Variants in ITPK1 observed in about 807,000 individuals in gnomAD.
ITPK1 encodes inositol 1,3,4-trisphosphate 5/6-kinase.
Under a neutral mutation model 45.3 loss-of-function variants are expected in ITPK1, and 21 were observed. The observed-to-expected ratio is 0.46, with a 90% CI of 0.33 to 0.67. The LOEUF is 0.67. ITPK1 is among the 30% of genes least tolerant of loss of function. The probability of loss-of-function intolerance (pLI) is 0.02; values close to 1 mark genes in which losing one functional copy is unlikely to be tolerated. For missense variants in ITPK1, 474 were observed against 573.5 expected, an observed-to-expected ratio of 0.83 and a Z score of 1.77; for synonymous variants, 258 against 253.6, an observed-to-expected ratio of 1.02 and a Z score of -0.16.
intron 5 of ITPK1, among the ~76,000 whole-genome samples, chr14:92,982,814 C>T (rs570614322): frequency 7.9e-5 from 12 of 152,346 alleles, no homozygotes; most frequent in South Asian, 6.2e-4. Flanking sequence ...GGGGGCATTT[C>T]GCCAGTGGCC....
intron 3 of ITPK1, among the ~76,000 whole-genome samples, chr14:93,066,641 T>C (rs1243746104): frequency 2.6e-5 from 4 of 152,096 alleles, no homozygotes; most frequent in Non-Finnish European, 5.9e-5. Context: ...CCTGACCTCA[T>C]GATCCACCCG....
At chr14:93,006,188 C>T (rs1030502700) in intron 4 of ITPK1, among the ~76,000 whole-genome samples, 4 of 152,228 alleles carry the variant, frequency 2.6e-5, no homozygotes, top group African/African-American at 9.6e-5. Flanking sequence ...ATCAGACTCA[C>T]AGTCCATGTG....
chr14:93,004,165 C>T (rs866226049), intron 4 of ITPK1, among the ~76,000 whole-genome samples: 10 of 152,322 alleles, frequency 6.6e-5, no homozygotes, highest in Middle Eastern at 3.4e-3. Context: ...GAGATCCATG[C>T]CCACCACAGG....
intron 3 of ITPK1, among the ~76,000 whole-genome samples, chr14:93,043,761 G>A (rs769644273): frequency 4.6e-5 from 7 of 152,178 alleles, no homozygotes; most frequent in Non-Finnish European, 8.8e-5. Context: ...CCAGGCCACC[G>A]TTCTCCTTCC....
chr14:93,100,537 G>GGAGAGA (rs369481573), intron 2 of ITPK1, among the ~76,000 whole-genome samples: 2 of 148,048 alleles, frequency 1.4e-5, no homozygotes, highest in African/African-American at 2.5e-5. Flanking sequence ...GAGAGAGGAG[G>GGAGAGA]GAGAGAGAGA....
chr14:93,093,960 C>T (rs555727990), intron 2 of ITPK1, among the ~76,000 whole-genome samples: 6 of 152,374 alleles, frequency 3.9e-5, no homozygotes, highest in African/African-American at 1.4e-4. Flanking sequence ...CAAAGGGATC[C>T]TCACCCCGAT....
At chr14:92,995,134 C>T (rs374588307) in intron 4 of ITPK1, among the ~76,000 whole-genome samples, 19 of 152,354 alleles carry the variant, frequency 1.2e-4, no homozygotes, top group Admixed American at 5.9e-4. Context: ...CCACTGCTGA[C>T]GCCCTGACTG....
rs2139689665 is a variant in ITPK1, at chr14:92,941,456, A to G, written c.*105T>C. ...AGGTTAAAAATTAAAAAACAGAAGAATCAGATCACTGGGGATTCTTAGTAG... is the reference window on the plus strand; with the variant it reads ...AGGTTAAAAATTAAAAAACAGAAGAGTCAGATCACTGGGGATTCTTAGTAG... On this transcript the variant is annotated 3_prime_UTR_variant, in exon 11 of 11. Coordinates refer to ENST00000267615, the MANE Select transcript of ITPK1 (RefSeq NM_014216.6). 3 of 1,428,482 alleles carry G rather than the reference A, an allele frequency of 2.1e-6. No individual in the cohort carries two copies. The highest frequency in any genetic ancestry group is 2.6e-5 in the East Asian group (1 of 37,784). The allele number at this position is 1,428,482 out of a possible 1,614,324, so 88.5% of individuals were successfully genotyped here.
intron 3 of ITPK1, among the ~76,000 whole-genome samples, chr14:93,052,474 C>T (rs1357739710): frequency 6.6e-6 from 1 of 152,158 alleles, no homozygotes; most frequent in Non-Finnish European, 1.5e-5. Context: ...GATACCAGGC[C>T]CTGGCTGACT....
chr14:93,052,464 G>A (rs370053468), intron 3 of ITPK1, among the ~76,000 whole-genome samples: 10 of 152,282 alleles, frequency 6.6e-5, no homozygotes, highest in African/African-American at 2.2e-4. Flanking sequence ...TCTAAGTCTC[G>A]ATACCAGGCC....
intron 2 of ITPK1, among the ~76,000 whole-genome samples, chr14:93,082,748 C>T (rs922766108): frequency 1.3e-5 from 2 of 152,222 alleles, no homozygotes; most frequent in Admixed American, 6.5e-5. Context: ...GGTCCTTTAC[C>T]GGACGGGTCC....
chr14:92,958,242 A>C lies in ITPK1; in HGVS notation c.629T>G (p.Val210Gly). Residue 210 changes from valine to glycine, a missense_variant, in exon 8 of 11, where the codon GTC becomes GGC. Val to Gly is a moderately radical substitution (Grantham distance 109). Transcript: ENST00000267615. The surrounding 1 kb of genome is among the most constrained non-coding windows in gnomAD (Gnocchi z 4.4). The stretch of plus-strand genomic sequence containing the variant: ...GAAGTTCTTGAGTGAGGGCCTCTGG[A>C]CCACGGTGTAGGACTCGCCAACCAC... ...VFVVGESYTV[V>G]QRPSLKNFSA... is the part of the protein sequence containing the mutation. 1 of 1,614,176 alleles carries C rather than the reference A, an allele frequency of 6.2e-7. No individual in the cohort carries two copies. Among genetic ancestry groups the C allele is most frequent in the Non-Finnish European group, 8.5e-7 (1 of 1,180,020 alleles).
At chr14:93,013,740 A>C (rs3783908) in intron 4 of ITPK1, among the ~76,000 whole-genome samples, 41,305 of 152,024 alleles carry the variant, frequency 0.27, 5,890 homozygotes, top group Admixed American at 0.36. Context: ...CAGTCCTCAA[A>C]CCACACTCAT....
At chr14:93,055,714 A>T (rs1890191837) in intron 3 of ITPK1, among the ~76,000 whole-genome samples, 1 of 152,146 alleles carries the variant, frequency 6.6e-6, no homozygotes, top group Non-Finnish European at 1.5e-5. Context: ...ACCCATCCTT[A>T]TCCGGTCCTA....
intron 4 of ITPK1, among the ~76,000 whole-genome samples, chr14:93,011,399 C>T (rs1887898101): frequency 6.6e-6 from 1 of 152,274 alleles, no homozygotes. Flanking sequence ...TACTCACTTC[C>T]TGTCCCCTCA....
chr14:93,089,394 C>A (rs1012834669), intron 2 of ITPK1, among the ~76,000 whole-genome samples: 1 of 152,166 alleles, frequency 6.6e-6, no homozygotes, highest in Non-Finnish European at 1.5e-5. Flanking sequence ...GCAGAAGGAA[C>A]CCTTCCTATG....
Position 92,938,160 on chromosome 14 carries a change from A to G in ITPK1, c.*3401T>C, listed in dbSNP as rs1433655826. 5.1e-6 allele frequency: 2 copies of G among 391,636 alleles called. No homozygotes were observed. The highest frequency in any genetic ancestry group is 9.2e-6 in the Non-Finnish European group (2 of 217,774). The allele number at this position is 391,636 out of a possible 1,614,324, so 24.3% of individuals were successfully genotyped here. The stretch of plus-strand genomic sequence containing the variant: ...TTTTTAGTAGAGATGGGGTTTCACC[A>G]TGTTGGCCAGGATGGTGTCGATCTC... On this transcript the variant is annotated 3_prime_UTR_variant, in exon 11 of 11. Transcript: ENST00000267615.
rs34131872 is a variant in ITPK1 at position 93,112,437 on chromosome 14, A to ATT, written c.95+2630_95+2631dup. On this transcript the variant is annotated intron_variant, in intron 2 of 10. Transcript: ENST00000267615. ...TTGCCCAAACATTAAGAGCAGGGCC[A>ATT]TTTTTTTTTTTTTTTTTTTTGAGAT... 7.4e-3 allele frequency among the ~76,000 whole-genome samples: 912 copies of ATT among 122,632 alleles called. 19 individuals carry two copies. Among genetic ancestry groups the ATT allele is most frequent in the African/African-American group, 0.027 (845 of 31,138 alleles). 80.5% of individuals were successfully genotyped at this position (122,632 alleles called of 152,430 possible).
chr14:93,063,643 G>A lies in ITPK1; in HGVS notation c.120+12952C>T, dbSNP rs565992204. On this transcript the variant is annotated intron_variant, in intron 3 of 10. Transcript: ENST00000267615. This position sits in a 1 kb window ranked among gnomAD's most constrained non-coding sequence, Gnocchi z 4.3. ...CTTGGAGGGATGGAGCTGGAACTAGGGAGGAGTCACTGGACTCTCACCAGG... is the reference window on the plus strand; with the variant it reads ...CTTGGAGGGATGGAGCTGGAACTAGAGAGGAGTCACTGGACTCTCACCAGG... Among the ~76,000 whole-genome samples, 2 of 152,334 alleles carry A rather than the reference G, an allele frequency of 1.3e-5. No homozygotes were observed. The highest frequency in any genetic ancestry group is 2.1e-4 in the South Asian group (1 of 4,828).
Sources: allele counts gnomAD v4.1 joint callset (sites outside exome capture counted in the v4.1 genomes callset), GRCh38; gene constraint gnomAD v4.1.1; non-coding constraint Gnocchi (gnomAD v3.1); transcripts MANE v1.5; gene names NCBI Gene and HGNC (gene_info 2026-07-23, HGNC 2026-07-21).